The following SLC45A4 variants were observed in gnomAD, a reference collection of about 807,000 sequenced individuals.
SLC45A4 encodes solute carrier family 45 member 4.
SLC45A4 carries 32 observed loss-of-function variants against 63.7 expected under a neutral mutation model. The observed-to-expected ratio is 0.50, with a 90% CI of 0.38 to 0.67. SLC45A4 has a LOEUF of 0.67. SLC45A4 is among the 30% of genes least tolerant of loss of function. SLC45A4 has a pLI of 0.00. For synonymous variants in SLC45A4, 535 were observed against 510.0 expected, an observed-to-expected ratio of 1.05 and a Z score of -0.66; for missense variants, 1,027 against 1,157.7, an observed-to-expected ratio of 0.89 and a Z score of 1.64.
At chr8:141,244,384 A>T (rs1828065882) in intron 2 of SLC45A4, among the ~76,000 whole-genome samples, 1 of 152,136 alleles carries the variant, frequency 6.6e-6, no homozygotes, top group Non-Finnish European at 1.5e-5. Context: ...TGAGGCATCC[A>T]AGGCAGGTCA....
chr8:141,264,823 G>A (rs920405326), intron 1 of SLC45A4, among the ~76,000 whole-genome samples: 3 of 152,080 alleles, frequency 2.0e-5, no homozygotes, highest in African/African-American at 7.2e-5. Flanking sequence ...TTTCTAACTG[G>A]CTAGATCATG....
At chr8:141,233,223 G>A (rs971262999) in intron 2 of SLC45A4, among the ~76,000 whole-genome samples, 1 of 152,226 alleles carries the variant, frequency 6.6e-6, no homozygotes, top group Non-Finnish European at 1.5e-5. Flanking sequence ...CAGCTGGGCT[G>A]CAGACATTCG....
chr8:141,230,096 C>G (rs1340415242), intron 2 of SLC45A4: 5 of 456,158 alleles, frequency 1.1e-5, no homozygotes, highest in African/African-American at 4.0e-5. Flanking sequence ...AAATGAATTA[C>G]ATGTCAGAGG....
At chr8:141,251,991 C>T (rs1338627129) in intron 2 of SLC45A4, among the ~76,000 whole-genome samples, 1 of 145,198 alleles carries the variant, frequency 6.9e-6, no homozygotes, top group Non-Finnish European at 1.5e-5. Flanking sequence ...CGCACTGCAG[C>T]GAGGCTGAGT....
chr8:141,267,851 T>C (rs1169503097), intron 1 of SLC45A4, among the ~76,000 whole-genome samples: 1 of 151,938 alleles, frequency 6.6e-6, no homozygotes, highest in Non-Finnish European at 1.5e-5. Context: ...GAACGCTCGT[T>C]CACGGTTGGC....
At chr8:141,275,871 G>A (rs949288803) in intron 1 of SLC45A4, among the ~76,000 whole-genome samples, 5 of 151,532 alleles carry the variant, frequency 3.3e-5, no homozygotes, top group Middle Eastern at 3.2e-3. Flanking sequence ...TGTTATTTAC[G>A]CATGTTTCAT....
At chr8:141,225,912 C>G (rs1461150848) in intron 2 of SLC45A4, 1 of 153,170 alleles carries the variant, frequency 6.5e-6, no homozygotes, top group Non-Finnish European at 1.5e-5. Flanking sequence ...CACAGCTGCC[C>G]CAGCCTCCGT....
At chr8:141,223,433 C>G (rs780831769) in intron 2 of SLC45A4, among the ~76,000 whole-genome samples, 1 of 152,212 alleles carries the variant, frequency 6.6e-6, no homozygotes, top group East Asian at 1.9e-4. Flanking sequence ...ATCAAAACTA[C>G]GCAGAGGGCG....
At chr8:141,290,753 C>T (rs915973062) in intron 1 of SLC45A4, among the ~76,000 whole-genome samples, 2 of 152,242 alleles carry the variant, frequency 1.3e-5, no homozygotes, top group East Asian at 1.9e-4. Context: ...GCCCACGCTG[C>T]GTGTGGTCTT....
intron 1 of SLC45A4, among the ~76,000 whole-genome samples, chr8:141,280,579 C>T (rs1008520884): frequency 2.6e-5 from 4 of 152,140 alleles, no homozygotes; most frequent in Admixed American, 6.5e-5. Flanking sequence ...GTGGGTCACT[C>T]GGGGCCCCTG....
intron 1 of SLC45A4, among the ~76,000 whole-genome samples, chr8:141,293,180 C>A (rs888300375): frequency 2.0e-5 from 3 of 152,176 alleles, no homozygotes; most frequent in Non-Finnish European, 2.9e-5. Context: ...TGCGGCCGGG[C>A]GCAGTGGCTC....
chr8:141,262,167 T>G (rs62524176), intron 1 of SLC45A4, among the ~76,000 whole-genome samples: 1 of 151,346 alleles, frequency 6.6e-6, no homozygotes, highest in East Asian at 1.9e-4. Flanking sequence ...TAGCCATATG[T>G]AGAAAGCTGA....
chr8:141,267,015 C>G (rs945149729), intron 1 of SLC45A4, among the ~76,000 whole-genome samples: 1 of 152,262 alleles, frequency 6.6e-6, no homozygotes, highest in East Asian at 1.9e-4. Flanking sequence ...TCAAGCAACA[C>G]GACACAGCAA....
chr8:141,281,109 C>T (rs771759812), intron 1 of SLC45A4, among the ~76,000 whole-genome samples: 9 of 152,034 alleles, frequency 5.9e-5, no homozygotes, highest in African/African-American at 1.7e-4. Context: ...GAGGCTGAGG[C>T]GGGTGGATCA....
At chr8:141,295,129 A>G (rs1393991436) in intron 1 of SLC45A4, among the ~76,000 whole-genome samples, 1 of 152,188 alleles carries the variant, frequency 6.6e-6, no homozygotes. Context: ...GACAGGAGGA[A>G]GCAGCGCTGT....
chr8:141,236,160 G>T (rs908871612), intron 2 of SLC45A4, among the ~76,000 whole-genome samples: 1 of 152,114 alleles, frequency 6.6e-6, no homozygotes, highest in Non-Finnish European at 1.5e-5. Context: ...CCCTGCCTGC[G>T]TAGAGCCTGC....
intron 1 of SLC45A4, among the ~76,000 whole-genome samples, chr8:141,299,498 G>A (rs1387494140): frequency 6.6e-6 from 1 of 152,204 alleles, no homozygotes; most frequent in African/African-American, 2.4e-5. Flanking sequence ...CCAAATCAGA[G>A]CTGCCCTTCA....
chr8:141,220,884 C>A (rs564955627), intron 3 of SLC45A4, among the ~76,000 whole-genome samples: 1 of 152,238 alleles, frequency 6.6e-6, no homozygotes, highest in African/African-American at 2.4e-5. Flanking sequence ...CAGCTCCGCG[C>A]CCAGCAGGCG....
At chr8:141,275,725 C>A (rs1024900337) in intron 1 of SLC45A4, among the ~76,000 whole-genome samples, 1 of 152,006 alleles carries the variant, frequency 6.6e-6, no homozygotes, top group African/African-American at 2.4e-5. Flanking sequence ...TATCCACATA[C>A]AAAATCACAA....
Sources: gnomAD v4.1 joint callset for allele counts (sites outside exome capture counted in the v4.1 genomes callset) on GRCh38, gnomAD v4.1.1 for gene constraint, MANE v1.5 for transcripts, NCBI Gene and HGNC (gene_info 2026-07-23, HGNC 2026-07-21) for gene names.